Variants in BTBD1 observed in about 807,000 individuals in gnomAD.
The protein encoded by BTBD1 is BTB/POZ domain-containing protein 1.
In BTBD1, 34 loss-of-function variants were observed where a neutral mutation model predicts 48.0. The observed-to-expected ratio is 0.71, with a 90% CI of 0.54 to 0.94. The LOEUF is 0.94. Among genes scored for constraint, BTBD1 ranks in the 40% least tolerant of loss-of-function variants. The probability of loss-of-function intolerance (pLI) is 0.00; values close to 1 mark genes in which losing one functional copy is unlikely to be tolerated. For synonymous variants in BTBD1, 261 were observed against 242.1 expected, an observed-to-expected ratio of 1.08 and a Z score of -0.72; for missense variants, 543 against 625.6, an observed-to-expected ratio of 0.87 and a Z score of 1.41.
In BTBD1 at chr15:83,023,789, A is replaced by T. The variant is rs375057604; in HGVS notation, c.1056-3027T>A. Among the ~76,000 whole-genome samples the T allele has an allele frequency of 8.6e-5, 13 of 151,938 alleles. 1 individual carries two copies. In the South Asian group the frequency reaches 2.7e-3, roughly 32 times the overall value. On this transcript the variant is annotated intron_variant, in intron 5 of 7. Transcript: ENST00000261721. ...AAGGTATAACGATCATTTTTCTCTC[A>T]CTCTTATCAACCAGGAATATTTTTC... is the stretch of plus-strand genomic sequence containing the variant.
chr15:83,036,454 AT>A (rs568653896), intron 4 of BTBD1, among the ~76,000 whole-genome samples: 87 of 152,306 alleles, frequency 5.7e-4, no homozygotes, highest in African/African-American at 2.0e-3. Flanking sequence ...ACAAACTCTT[AT>A]GTCTCTTCAC....
rs201762986 is a variant in BTBD1 at position 83,021,596 on chromosome 15, A to AT, written c.1056-835dup. The stretch of plus-strand genomic sequence containing the variant: ...TGGCAAATCCCTGTCTTTACTAAAA[A>AT]TATAACAGTTAGCTGGGCATGATAG... On this transcript the variant is annotated intron_variant, in intron 5 of 7. Transcript: ENST00000261721. Among the ~76,000 whole-genome samples the AT allele has an allele frequency of 6.1e-3, 927 of 152,218 alleles. 9 individuals are homozygous for AT. The highest frequency in any genetic ancestry group is 6.1e-3 in the Non-Finnish European group (418 of 68,010).
At chr15:83,028,762 T>C (rs892450524) in intron 5 of BTBD1, 8 of 152,150 alleles carry the variant, frequency 5.3e-5, no homozygotes, top group Non-Finnish European at 1.5e-5. Flanking sequence ...ACATGTTCAA[T>C]TTATTAGCAC....
At chr15:83,037,769 T>TCTATACC (rs2032657268) in intron 4 of BTBD1, among the ~76,000 whole-genome samples, 1 of 152,152 alleles carries the variant, frequency 6.6e-6, no homozygotes, top group African/African-American at 2.4e-5. Context: ...ATGATATGCT[T>TCTATACC]CTATACCTAC....
At chr15:83,020,362 C>A in intron 6 of BTBD1, 1 of 211,516 alleles carries the variant, frequency 4.7e-6, no homozygotes, top group Admixed American at 5.8e-5. Flanking sequence ...TAGTTTCAGT[C>A]CTAGAGTTGA....
At chr15:83,033,713 G>A (rs542628951) in intron 4 of BTBD1, among the ~76,000 whole-genome samples, 82 of 152,112 alleles carry the variant, frequency 5.4e-4, no homozygotes, top group African/African-American at 1.9e-3. Flanking sequence ...AGGTAGCTGG[G>A]ACTACAGGTG....
At position 83,053,140 on chromosome 15, in the gene BTBD1, G is replaced by A. The variant is rs114039430; in HGVS notation, c.559-2962C>T. ...AGGGTAAAATAAATTTTCTCAAAAC[G>A]GACTTTGACTTTGGCATTCTCTTTG... On this transcript the variant is annotated intron_variant, in intron 2 of 7. Coordinates refer to ENST00000261721, the MANE Select transcript of BTBD1 (RefSeq NM_025238.4). Among the ~76,000 whole-genome samples the A allele has an allele frequency of 8.1e-3, 1,233 of 152,104 alleles. 18 individuals carry two copies. Among genetic ancestry groups the A allele is most frequent in the African/African-American group, 0.028 (1,150 of 41,496 alleles).
intron 4 of BTBD1, among the ~76,000 whole-genome samples, chr15:83,038,884 A>C (rs1194611354): frequency 6.6e-6 from 1 of 152,218 alleles, no homozygotes; most frequent in Non-Finnish European, 1.5e-5. Flanking sequence ...AAATTAACTC[A>C]AGATGGATTA....
intron 5 of BTBD1, among the ~76,000 whole-genome samples, chr15:83,026,549 T>A (rs2151301091): frequency 6.8e-6 from 1 of 146,608 alleles, no homozygotes; most frequent in South Asian, 2.3e-4. Context: ...TGAGACGGAG[T>A]TTTGCTCTTG....
intron 5 of BTBD1, among the ~76,000 whole-genome samples, chr15:83,027,248 A>C (rs983468454): frequency 1.1e-4 from 17 of 152,190 alleles, no homozygotes; most frequent in African/African-American, 4.1e-4. Context: ...GCTACCTGGG[A>C]GCCTGAGGCA....
intron 4 of BTBD1, among the ~76,000 whole-genome samples, chr15:83,035,605 A>G (rs996527853): frequency 3.9e-5 from 6 of 152,096 alleles, no homozygotes; most frequent in Non-Finnish European, 8.8e-5. Flanking sequence ...ACACTTAAAT[A>G]TATGCATTCA....
chr15:83,030,371 T>C, intron 4 of BTBD1, 43 bp from the exon 5 acceptor site: 3 of 1,508,032 alleles, frequency 2.0e-6, no homozygotes, highest in Non-Finnish European at 2.7e-6. Context: ...GAATTTGATT[T>C]CAATTCCTAA....
At chr15:83,056,290 A>G (rs1383075917) in intron 2 of BTBD1, 99 bp downstream of exon 2, 4 of 729,044 alleles carry the variant, frequency 5.5e-6, no homozygotes, top group Non-Finnish European at 8.6e-6. Flanking sequence ...TATACTTTAA[A>G]ATTATAATCT....
intron 1 of BTBD1, 64 bp downstream of exon 1, chr15:83,066,678 CGGGCCCCGG>C: frequency 7.9e-7 from 1 of 1,269,236 alleles, no homozygotes; most frequent in South Asian, 2.7e-5. Context: ...CCGGGTAGGC[CGGGCCCCGG>C]GGATCTCCCA....
At chr15:83,032,101 T>A (rs2032529374) in intron 4 of BTBD1, among the ~76,000 whole-genome samples, 1 of 152,048 alleles carries the variant, frequency 6.6e-6, no homozygotes, top group South Asian at 2.1e-4. Flanking sequence ...GGCAGGCAGA[T>A]CCCAAGGTCA....
In BTBD1 at chr15:83,067,076, G is replaced by A; in HGVS notation, c.76C>T (p.Pro26Ser). 6 of 1,543,704 alleles carry A rather than the reference G, an allele frequency of 3.9e-6. No individual in the cohort carries two copies. Among genetic ancestry groups the A allele is most frequent in the Non-Finnish European group, 5.2e-6 (6 of 1,150,734 alleles). ...AEAEPGPAGPPPPPSPSSLGP... is the reference protein window; with the variant it reads ...AEAEPGPAGPSPPPSPSSLGP... ...AGAGAGGACGGTGAGGGCGGCGGCG[G>A]CGGCCCCGCGGGGCCCGGCTCCGCC... Residue 26 changes from proline (P) to serine (S), a missense_variant, in exon 1 of 8, where the codon CCG becomes TCG. By Grantham distance (74) the Pro-to-Ser change is moderately conservative. Transcript: ENST00000261721.
At position 83,016,559 on chromosome 15, in the gene BTBD1, TAAA is replaced by T. The variant is rs34069538; in HGVS notation, c.*1505_*1507del. On this transcript the variant is annotated 3_prime_UTR_variant, in exon 8 of 8. Coordinates refer to ENST00000261721, the MANE Select transcript of BTBD1 (RefSeq NM_025238.4). ...TGTTCAGTACAACAGATGAGGCATT[TAAA>T]AGGTCTCCAACGTCAAGAAACACTA... The T allele has an allele frequency of 6.6e-6, 1 of 151,942 alleles. No individual in the cohort carries two copies. Among genetic ancestry groups the T allele is most frequent in the Admixed American group, 6.6e-5 (1 of 15,254 alleles). 9.4% of individuals were successfully genotyped at this position (151,942 alleles called of 1,614,324 possible). A position where few individuals can be genotyped will look rare whatever the true frequency, so the allele number is the denominator to read the frequency against.
intron 3 of BTBD1, among the ~76,000 whole-genome samples, chr15:83,045,937 T>C (rs1384804707): frequency 6.6e-6 from 1 of 152,048 alleles, no homozygotes; most frequent in Non-Finnish European, 1.5e-5. Context: ...ATCAACATGA[T>C]AAATTATCTT....
At chr15:83,040,548 C>A in intron 4 of BTBD1, among the ~76,000 whole-genome samples, 1 of 151,666 alleles carries the variant, frequency 6.6e-6, no homozygotes, top group South Asian at 2.1e-4. Flanking sequence ...ACTAAAAATA[C>A]AAAAATTAGT....
Sources: allele counts gnomAD v4.1 joint callset (sites outside exome capture counted in the v4.1 genomes callset), GRCh38; gene constraint gnomAD v4.1.1; transcripts MANE v1.5; gene names NCBI Gene and HGNC (gene_info 2026-07-23, HGNC 2026-07-21).